Variants in ECE1 observed in about 807,000 individuals in gnomAD.
ECE1 encodes the protein endothelin-converting enzyme 1.
In ECE1, 35 loss-of-function variants were observed where a neutral mutation model predicts 98.6. The observed-to-expected ratio is 0.35, with a 90% CI of 0.27 to 0.47. The LOEUF is 0.47. Ranked by LOEUF, ECE1 falls within the 20% of genes least tolerant of loss-of-function variation. The probability of loss-of-function intolerance (pLI) is 1.00; values close to 1 mark genes in which losing one functional copy is unlikely to be tolerated. For synonymous variants in ECE1, 394 were observed against 407.1 expected (o/e 0.97, Z 0.39); for missense variants, 814 against 1,025.3 (o/e 0.79, Z 2.81).
At chr1:21,276,680 C>CTTT (rs1553364114) in intron 3 of ECE1, among the ~76,000 whole-genome samples, 1 of 143,908 alleles carries the variant, frequency 6.9e-6, no homozygotes, top group African/African-American at 2.5e-5. Flanking sequence ...ATCAGATTTG[C>CTTT]TTTCTTTTTT....
intron 14 of ECE1, among the ~76,000 whole-genome samples, chr1:21,229,561 T>C (rs965756154): frequency 1.3e-5 from 2 of 152,106 alleles, no homozygotes. Context: ...TTGCCAATGA[T>C]AAAAATATGA....
At chr1:21,273,030 T>C in intron 3 of ECE1, 119 bp from the exon 4 acceptor site, 2 of 1,076,784 alleles carry the variant, frequency 1.9e-6, no homozygotes, top group South Asian at 2.6e-5. Flanking sequence ...ACCACACAGA[T>C]TTGGAACTGG....
intron 8 of ECE1, among the ~76,000 whole-genome samples, chr1:21,254,714 CAGAGCAGGAAA>C (rs2098217711): frequency 1.4e-5 from 2 of 147,772 alleles, no homozygotes; most frequent in African/African-American, 4.8e-5. Flanking sequence ...CTCCTGGCCT[CAGAGCAGGAAA>C]AGAGTGCCAG....
At chr1:21,279,701 T>C in intron 2 of ECE1, 2 of 1,366,402 alleles carry the variant, frequency 1.5e-6, no homozygotes, top group Non-Finnish European at 1.9e-6. Context: ...CCAGCTGGGC[T>C]CTCTGCAGAG....
intron 1 of ECE1, among the ~76,000 whole-genome samples, chr1:21,329,801 C>A (rs1261785468): frequency 6.6e-6 from 1 of 152,174 alleles, no homozygotes; most frequent in Non-Finnish European, 1.5e-5. Context: ...CAACTCCCAA[C>A]CACCTTTGCA....
At chr1:21,238,100 C>T (rs368719355) in intron 11 of ECE1, 34 bp downstream of exon 11, 47 of 1,591,890 alleles carry the variant, frequency 3.0e-5, no homozygotes, top group Non-Finnish European at 4.1e-5. Flanking sequence ...ACAAGTGTGA[C>T]CTCACAGCCT....
At chr1:21,274,907 A>C (rs2098244724) in intron 3 of ECE1, among the ~76,000 whole-genome samples, 1 of 152,206 alleles carries the variant, frequency 6.6e-6, no homozygotes, top group Admixed American at 6.5e-5. Flanking sequence ...CATTTTAAAT[A>C]TCTCTAAATC....
At chr1:21,314,091 G>T (rs960241280) in intron 1 of ECE1, among the ~76,000 whole-genome samples, 7 of 152,228 alleles carry the variant, frequency 4.6e-5, no homozygotes, top group Middle Eastern at 3.2e-3. Flanking sequence ...CACTTTACGT[G>T]TGTTTTCTAA....
chr1:21,228,928 C>T (rs1256967671), intron 14 of ECE1, among the ~76,000 whole-genome samples: 1 of 150,666 alleles, frequency 6.6e-6, no homozygotes, highest in Non-Finnish European at 1.5e-5. Flanking sequence ...GCAGCCTCCG[C>T]CCCCCGGGGT....
chr1:21,267,806 T>C (rs2098235800), intron 4 of ECE1, among the ~76,000 whole-genome samples: 1 of 152,122 alleles, frequency 6.6e-6, no homozygotes, highest in African/African-American at 2.4e-5. Flanking sequence ...CGCAGGAAGA[T>C]GAAACTCAAT....
intron 8 of ECE1, among the ~76,000 whole-genome samples, chr1:21,254,180 T>C (rs1313326640): frequency 6.6e-6 from 1 of 152,058 alleles, no homozygotes; most frequent in Non-Finnish European, 1.5e-5. Flanking sequence ...GCCAAGCCCA[T>C]TTTACAAGGA....
rs551904248 is a variant in ECE1, at chr1:21,340,358, C to T, written c.3+5018G>A. Among the ~76,000 whole-genome samples the T allele has an allele frequency of 1.3e-5, 2 of 152,354 alleles. No homozygotes were observed. The highest frequency in any genetic ancestry group is 2.1e-4 in the South Asian group (1 of 4,828). On this transcript the variant is annotated intron_variant, in intron 1 of 18. Transcript: ENST00000415912. This position sits in a 1 kb window ranked among gnomAD's most constrained non-coding sequence, Gnocchi z 4.6. ...TCACTGACTGCTCTGGGCAGCATGC[C>T]AGGGGCGTGGTTTGGGCTAGAGGAG...
chr1:21,311,509 C>CAAAAAAAAAA (rs397979522), intron 1 of ECE1, among the ~76,000 whole-genome samples: 9,164 of 73,428 alleles, frequency 0.12, 950 homozygotes, highest in Non-Finnish European at 0.18. Context: ...CCTGTCTCCA[C>CAAAAAAAAAA]AAAAAAAAAA....
At chr1:21,325,519 T>C (rs1376817577) in intron 1 of ECE1, among the ~76,000 whole-genome samples, 1 of 152,202 alleles carries the variant, frequency 6.6e-6, no homozygotes, top group Admixed American at 6.5e-5. Flanking sequence ...CCTGGTCTTT[T>C]TCAGCCACAA....
At chr1:21,330,180 A>G (rs1391767943) in intron 1 of ECE1, among the ~76,000 whole-genome samples, 1 of 80,328 alleles carries the variant, frequency 1.2e-5, no homozygotes, top group East Asian at 3.1e-4. Flanking sequence ...CCCAGGTCCT[A>G]TTCCTCTGGG....
intron 1 of ECE1, among the ~76,000 whole-genome samples, chr1:21,342,875 C>G (rs1320302380): frequency 6.6e-6 from 1 of 152,198 alleles, no homozygotes; most frequent in East Asian, 1.9e-4. Flanking sequence ...GCCGCCACCC[C>G]ATGCATGCAC....
chr1:21,332,372 G>A (rs1173452514), intron 1 of ECE1, among the ~76,000 whole-genome samples: 1 of 151,792 alleles, frequency 6.6e-6, no homozygotes, highest in African/African-American at 2.4e-5. Context: ...GGCACTTAGT[G>A]TACTGCAGGC....
At chr1:21,251,704 G>A (rs1472546151) in intron 8 of ECE1, among the ~76,000 whole-genome samples, 1 of 152,168 alleles carries the variant, frequency 6.6e-6, no homozygotes, top group African/African-American at 2.4e-5. Flanking sequence ...CTAAGAATGA[G>A]CTAAGAATGA....
rs74058902 is a variant in ECE1, at chr1:21,271,779, G to T, written c.493+920C>A. ...CTGAGGAAAAACCATCAACACAGGG[G>T]TGAACTAGAGGTGCCCAAGGCCTAG... On this transcript the variant is annotated intron_variant, in intron 4 of 18. Coordinates refer to ENST00000374893, the MANE Select transcript of ECE1 (RefSeq NM_001397.3). Among the ~76,000 whole-genome samples, 381 of 152,212 alleles carry T rather than the reference G, an allele frequency of 2.5e-3. 1 individual carries two copies. Among genetic ancestry groups the T allele is most frequent in the African/African-American group, 9.0e-3 (372 of 41,518 alleles).
Sources: allele counts gnomAD v4.1 joint callset (sites outside exome capture counted in the v4.1 genomes callset), GRCh38; gene constraint gnomAD v4.1.1; non-coding constraint Gnocchi (gnomAD v3.1); transcripts MANE v1.5; gene names NCBI Gene and HGNC (gene_info 2026-07-23, HGNC 2026-07-21).